Variants in HLCS observed in about 807,000 individuals in gnomAD.
HLCS encodes the protein biotin--protein ligase.
A neutral mutation model predicts 75.0 loss-of-function variants in HLCS; 53 were observed. That is an observed-to-expected ratio of 0.71 (90% CI 0.57 to 0.89). The LOEUF (loss-of-function observed/expected upper bound fraction) is 0.89, where lower values mean the gene tolerates loss of function less well. HLCS is among the 40% of genes least tolerant of loss of function. The pLI is 0.00. For synonymous variants in HLCS, 431 were observed against 428.6 expected (o/e 1.01, Z -0.07); for missense variants, 966 against 1,074.0 (o/e 0.90, Z 1.41).
At chr21:36,817,754 G>C (rs1260337082) in intron 6 of HLCS, among the ~76,000 whole-genome samples, 1 of 152,228 alleles carries the variant, frequency 6.6e-6, no homozygotes, top group East Asian at 1.9e-4. Flanking sequence ...AGAAGATTCT[G>C]TGTTCTATTG....
At chr21:36,878,659 G>A (rs187300563) in intron 6 of HLCS, among the ~76,000 whole-genome samples, 7 of 152,128 alleles carry the variant, frequency 4.6e-5, no homozygotes, top group Admixed American at 3.9e-4. Flanking sequence ...CTTTAACTTA[G>A]GACTCCCGTT....
At chr21:36,936,123 G>A (rs749721211) in intron 4 of HLCS, among the ~76,000 whole-genome samples, 1 of 152,164 alleles carries the variant, frequency 6.6e-6, no homozygotes, top group Non-Finnish European at 1.5e-5. Flanking sequence ...AAAGCAGACC[G>A]ATGAATTTGA....
chr21:36,875,025 G>A (rs1210421288), intron 6 of HLCS, among the ~76,000 whole-genome samples: 1 of 152,182 alleles, frequency 6.6e-6, no homozygotes, highest in Non-Finnish European at 1.5e-5. Context: ...AGAGTAGCCA[G>A]CACTCCCCTC....
chr21:36,881,221 C>T (rs1347818154), intron 6 of HLCS, among the ~76,000 whole-genome samples: 1 of 152,152 alleles, frequency 6.6e-6, no homozygotes, highest in African/African-American at 2.4e-5. Flanking sequence ...CCACCTACCT[C>T]GGCCTCCCAA....
intron 6 of HLCS, among the ~76,000 whole-genome samples, chr21:36,877,071 C>A (rs2064008864): frequency 6.6e-6 from 1 of 152,168 alleles, no homozygotes; most frequent in African/African-American, 2.4e-5. Context: ...GTCACTCCAA[C>A]CTCCTTAGGC....
chr21:36,808,542 C>T (rs557257269), intron 6 of HLCS, among the ~76,000 whole-genome samples: 22 of 152,338 alleles, frequency 1.4e-4, no homozygotes, highest in African/African-American at 4.8e-4. Flanking sequence ...AAGAACTCTT[C>T]TCACCATCGA....
At chr21:36,803,734 G>A (rs1180326638) in intron 6 of HLCS, among the ~76,000 whole-genome samples, 1 of 120,474 alleles carries the variant, frequency 8.3e-6, no homozygotes, top group Non-Finnish European at 1.7e-5. Flanking sequence ...GTTTTGTTTT[G>A]TTTTGTTTGT....
At chr21:36,903,364 C>T (rs1028395331) in intron 5 of HLCS, among the ~76,000 whole-genome samples, 3 of 152,096 alleles carry the variant, frequency 2.0e-5, no homozygotes, top group Admixed American at 6.5e-5. Context: ...AAACTTTGGT[C>T]AATGCCCTTA....
chr21:36,832,157 C>T (rs1017975039), intron 6 of HLCS, among the ~76,000 whole-genome samples: 4 of 152,158 alleles, frequency 2.6e-5, no homozygotes, highest in Non-Finnish European at 4.4e-5. Context: ...AGATATGCCT[C>T]GGCGCCTCTC....
intron 6 of HLCS, among the ~76,000 whole-genome samples, chr21:36,787,861 C>T (rs1429695238): frequency 1.3e-5 from 2 of 152,170 alleles, no homozygotes; most frequent in Non-Finnish European, 2.9e-5. Context: ...TTACTGTTCC[C>T]TGGCTGATAA....
intron 8 of HLCS, among the ~76,000 whole-genome samples, chr21:36,760,603 C>A (rs529524068): frequency 6.8e-6 from 1 of 146,394 alleles, no homozygotes; most frequent in South Asian, 2.2e-4. Context: ...GGGCGAGACT[C>A]TGTCTCAAAA....
intron 4 of HLCS, among the ~76,000 whole-genome samples, chr21:36,932,717 T>C (rs2066701248): frequency 1.3e-5 from 2 of 152,218 alleles, no homozygotes; most frequent in African/African-American, 4.8e-5. Context: ...TCTAGCCTGA[T>C]ATTATAGAAG....
intron 6 of HLCS, among the ~76,000 whole-genome samples, chr21:36,769,589 T>C (rs762711767): frequency 2.2e-4 from 33 of 152,246 alleles, no homozygotes; most frequent in Non-Finnish European, 4.1e-4. Context: ...ATAAAAGCTT[T>C]CTGTGAGTGG....
chr21:36,750,168 G>A lies in HLCS; in HGVS notation c.*4078C>T, dbSNP rs77891468. On this transcript the variant is annotated 3_prime_UTR_variant, in exon 11 of 11. Coordinates refer to ENST00000674895, the MANE Select transcript of HLCS (RefSeq NM_001352514.2). ...GGGGATAGCGTTTCTTGACTTCTGT[G>A]AGGCTCCGGCAGGGGAAGAGGAAGC... 4.0e-3 allele frequency among the ~76,000 whole-genome samples: 603 copies of A among 152,310 alleles called. 4 individuals carry two copies. The highest frequency in any genetic ancestry group is 3.2e-3 in the Non-Finnish European group (217 of 68,026).
intron 6 of HLCS, among the ~76,000 whole-genome samples, chr21:36,893,493 C>G (rs2064878359): frequency 6.6e-6 from 1 of 152,180 alleles, no homozygotes; most frequent in Admixed American, 6.5e-5. Context: ...AGTAACAACT[C>G]CAAAGCACTA....
At position 36,936,939 on chromosome 21, in the gene HLCS, C is replaced by A. The variant is rs1310349517; in HGVS notation, c.947G>T (p.Gly316Val). Residue 316 changes from glycine to valine, a missense_variant, in exon 4 of 11, where the codon GGC becomes GTC. Coordinates refer to ENST00000674895, the MANE Select transcript of HLCS (RefSeq NM_001352514.2). ...GKAPNILLYV[G>V]SDSQEALGRF... The stretch of plus-strand genomic sequence containing the variant: ...GCCGAGGGCTTCCTGGGAGTCGGAG[C>A]CCACATAGAGGAGGATGTTGGGTGC... The A allele has an allele frequency of 1.2e-6, 2 of 1,614,004 alleles. No individual in the cohort carries two copies. Among genetic ancestry groups the A allele is most frequent in the Non-Finnish European group, 1.7e-6 (2 of 1,180,030 alleles).
chr21:36,845,652 C>A (rs1029167053), intron 6 of HLCS, among the ~76,000 whole-genome samples: 1 of 152,074 alleles, frequency 6.6e-6, no homozygotes, highest in Non-Finnish European at 1.5e-5. Flanking sequence ...AGTGGTGGAG[C>A]GGGACTTAGA....
chr21:36,884,751 A>G (rs1269482963), intron 6 of HLCS, among the ~76,000 whole-genome samples: 3 of 152,206 alleles, frequency 2.0e-5, no homozygotes, highest in African/African-American at 7.2e-5. Context: ...TGACAAAATG[A>G]ATATTAAATG....
intron 6 of HLCS, among the ~76,000 whole-genome samples, chr21:36,876,653 C>T (rs1054902313): frequency 1.1e-4 from 16 of 152,082 alleles, no homozygotes; most frequent in African/African-American, 3.6e-4. Context: ...CTTTTGGAGA[C>T]TTGTTTTATG....
Sources: gnomAD v4.1 joint callset for allele counts (sites outside exome capture counted in the v4.1 genomes callset) on GRCh38, gnomAD v4.1.1 for gene constraint, MANE v1.5 for transcripts, NCBI Gene and HGNC (gene_info 2026-07-23, HGNC 2026-07-21) for gene names.